The following PPARGC1A variants were observed in gnomAD, a reference collection of about 807,000 sequenced individuals.
The protein encoded by PPARGC1A is PPARG coactivator 1 alpha, also known as peroxisome proliferator-activated receptor gamma coactivator 1-alpha.
Under a neutral mutation model 88.7 loss-of-function variants are expected in PPARGC1A, and 25 were observed. The ratio of observed to expected loss-of-function variants is 0.28; its 90% CI spans 0.21 to 0.39. The LOEUF (loss-of-function observed/expected upper bound fraction) is 0.39. Among genes scored for constraint, PPARGC1A ranks in the 10% least tolerant of loss-of-function variants. The pLI is 1.00. For synonymous variants in PPARGC1A, 363 were observed against 355.6 expected, an observed-to-expected ratio of 1.02 and a Z score of -0.24; for missense variants, 880 against 968.7, an observed-to-expected ratio of 0.91 and a Z score of 1.22.
chr4:24,403,595 A>T, the PPARGC1A span, among the ~76,000 whole-genome samples: 4 of 152,190 alleles, frequency 2.6e-5, no homozygotes, highest in Non-Finnish European at 5.9e-5. Context: ...ATAAGACCAG[A>T]AAGAGATACC....
chr4:24,441,087 C>G, the PPARGC1A span, among the ~76,000 whole-genome samples: 1 of 152,090 alleles, frequency 6.6e-6, no homozygotes, highest in African/African-American at 2.4e-5. Context: ...CATAAAAACT[C>G]TTGTTTCTTA....
At chr4:23,980,721 G>A in the PPARGC1A span, among the ~76,000 whole-genome samples, 1 of 152,120 alleles carries the variant, frequency 6.6e-6, no homozygotes, top group Non-Finnish European at 1.5e-5. Flanking sequence ...CCACCACATA[G>A]GATGGAGGCT....
chr4:24,193,865 A>G, the PPARGC1A span, among the ~76,000 whole-genome samples: 1 of 152,148 alleles, frequency 6.6e-6, no homozygotes, highest in African/African-American at 2.4e-5. Flanking sequence ...ATGGTAGCTC[A>G]TGCCTGTAAT....
At chr4:24,102,124 A>T in the PPARGC1A span, among the ~76,000 whole-genome samples, 2 of 152,198 alleles carry the variant, frequency 1.3e-5, no homozygotes, top group Non-Finnish European at 2.9e-5. Context: ...TTCTTGTCAC[A>T]GTGTCGTTGG....
intron 10 of PPARGC1A, among the ~76,000 whole-genome samples, chr4:23,809,898 T>A (rs549413671): frequency 6.6e-6 from 1 of 152,238 alleles, no homozygotes; most frequent in South Asian, 2.1e-4. Flanking sequence ...CATATATAGA[T>A]CTGGATGCCC....
the PPARGC1A span, among the ~76,000 whole-genome samples, chr4:24,013,225 A>T: frequency 1.3e-5 from 2 of 152,070 alleles, no homozygotes; most frequent in African/African-American, 2.4e-5. Flanking sequence ...TTAATTTTTT[A>T]TTTTACCATG....
chr4:23,808,391 T>C (rs567716581), intron 10 of PPARGC1A, among the ~76,000 whole-genome samples: 305 of 152,272 alleles, frequency 2.0e-3, no homozygotes, highest in Non-Finnish European at 3.5e-3. Context: ...GCAGCAGTCA[T>C]TGCCGCCTGA....
At chr4:24,283,583 A>G in the PPARGC1A span, among the ~76,000 whole-genome samples, 28 of 152,336 alleles carry the variant, frequency 1.8e-4, 1 homozygote, top group African/African-American at 6.5e-4. Context: ...ACCAATAAAT[A>G]GAAAGAATGA....
At chr4:24,329,150 A>G in the PPARGC1A span, among the ~76,000 whole-genome samples, 1 of 152,096 alleles carries the variant, frequency 6.6e-6, no homozygotes, top group Non-Finnish European at 1.5e-5. Context: ...ACCCAGGGTG[A>G]GAATGCTGGG....
the PPARGC1A span, among the ~76,000 whole-genome samples, chr4:24,216,251 G>A: frequency 3.4e-5 from 5 of 148,890 alleles, no homozygotes; most frequent in Non-Finnish European, 5.9e-5. Flanking sequence ...GGATTCAAGC[G>A]ATCCTAGTGC....
chr4:24,284,591 C>A, the PPARGC1A span, among the ~76,000 whole-genome samples: 3 of 152,184 alleles, frequency 2.0e-5, no homozygotes, highest in Non-Finnish European at 4.4e-5. Context: ...TTCCAGAATA[C>A]CAGTGGGGAA....
the PPARGC1A span, among the ~76,000 whole-genome samples, chr4:24,103,158 A>G: frequency 3.3e-5 from 5 of 152,272 alleles, no homozygotes; most frequent in African/African-American, 1.2e-4. Flanking sequence ...GAGGACACCG[A>G]AGCATGGAAA....
the PPARGC1A span, among the ~76,000 whole-genome samples, chr4:24,215,775 T>G: frequency 5.9e-5 from 9 of 152,300 alleles, no homozygotes; most frequent in East Asian, 1.7e-3. Context: ...CACATTGAAT[T>G]AAAGCAAGAA....
chr4:23,959,450 T>C, the PPARGC1A span, among the ~76,000 whole-genome samples: 1 of 152,092 alleles, frequency 6.6e-6, no homozygotes, highest in Non-Finnish European at 1.5e-5. Context: ...AATTGACCAG[T>C]ATGATTGCTA....
chr4:24,329,190 C>T, the PPARGC1A span, among the ~76,000 whole-genome samples: 12 of 151,740 alleles, frequency 7.9e-5, no homozygotes, highest in Non-Finnish European at 1.3e-4. Context: ...AAATGGCAAC[C>T]GGTGATTTAT....
chr4:24,051,777 A>G, the PPARGC1A span, among the ~76,000 whole-genome samples: 1 of 152,162 alleles, frequency 6.6e-6, no homozygotes, highest in South Asian at 2.1e-4. Flanking sequence ...AGTTTGAGTC[A>G]AGGAGCAATG....
At chr4:24,183,666 T>G in the PPARGC1A span, among the ~76,000 whole-genome samples, 1 of 152,212 alleles carries the variant, frequency 6.6e-6, no homozygotes, top group African/African-American at 2.4e-5. Flanking sequence ...TATGTTATCA[T>G]GTGCACTGGT....
intron 2 of PPARGC1A, among the ~76,000 whole-genome samples, chr4:23,841,317 ACACT>A (rs1195414111): frequency 6.6e-6 from 1 of 152,088 alleles, no homozygotes; most frequent in Admixed American, 6.6e-5. Flanking sequence ...ACCATATAAC[ACACT>A]CATCTTCAAG....
At chr4:23,976,546 C>T in the PPARGC1A span, among the ~76,000 whole-genome samples, 1 of 152,318 alleles carries the variant, frequency 6.6e-6, no homozygotes, top group Admixed American at 6.5e-5. Flanking sequence ...CACCCTACCA[C>T]CAATACTTAT....
Sources: allele counts gnomAD v4.1 joint callset (sites outside exome capture counted in the v4.1 genomes callset), GRCh38; gene constraint gnomAD v4.1.1; transcripts MANE v1.5; gene names NCBI Gene and HGNC (gene_info 2026-07-23, HGNC 2026-07-21).